The following SLC12A6 variants were observed in gnomAD, a reference collection of about 807,000 sequenced individuals.
SLC12A6 encodes solute carrier family 12 member 6, also known as K-Cl cotransporter 3.
A neutral mutation model predicts 135.3 loss-of-function variants in SLC12A6; 66 were observed. That is an observed-to-expected ratio of 0.49 (90% CI 0.40 to 0.60). The LOEUF is 0.60. SLC12A6 is among the 20% of genes least tolerant of loss of function. SLC12A6 has a pLI of 0.00. For missense variants in SLC12A6, 1,058 were observed against 1,452.3 expected (o/e 0.73, Z 4.41); for synonymous variants, 513 against 508.8 (o/e 1.01, Z -0.11).
chr15:34,318,782 G>A, intron 2 of SLC12A6: 1 of 1,580,582 alleles, frequency 6.3e-7, no homozygotes, highest in Non-Finnish European at 8.6e-7. Flanking sequence ...TGTGATCCCT[G>A]CCTACAAGAG....
intron 2 of SLC12A6, among the ~76,000 whole-genome samples, chr15:34,296,441 CA>C (rs1381314546): frequency 1.3e-5 from 2 of 152,000 alleles, no homozygotes; most frequent in African/African-American, 4.8e-5. Context: ...GTGTAAATTT[CA>C]AAAAAGACTC....
intron 7 of SLC12A6, 23 bp downstream of exon 7, chr15:34,256,205 GA>G: frequency 6.7e-7 from 1 of 1,496,290 alleles, no homozygotes; most frequent in Non-Finnish European, 9.3e-7. Context: ...GATAAATCCT[GA>G]AATACAACCT....
chr15:34,296,096 T>C (rs558838183), intron 2 of SLC12A6, among the ~76,000 whole-genome samples: 1 of 152,342 alleles, frequency 6.6e-6, no homozygotes, highest in South Asian at 2.1e-4. Context: ...CAGTACAATT[T>C]TATTAATGAT....
chr15:34,265,089 T>C (rs908240241), intron 3 of SLC12A6, among the ~76,000 whole-genome samples: 1 of 151,878 alleles, frequency 6.6e-6, no homozygotes. Flanking sequence ...CCCAGCTACT[T>C]GGGAGGCTGA....
chr15:34,326,517 C>T (rs942850619), intron 2 of SLC12A6, among the ~76,000 whole-genome samples: 2 of 152,106 alleles, frequency 1.3e-5, no homozygotes, highest in African/African-American at 2.4e-5. Flanking sequence ...TCTTCATTAG[C>T]TTTAGGACAG....
chr15:34,259,378 G>A (rs1892963757), intron 4 of SLC12A6, among the ~76,000 whole-genome samples: 1 of 150,948 alleles, frequency 6.6e-6, no homozygotes, highest in Admixed American at 6.6e-5. Flanking sequence ...AGTTGGGCAT[G>A]GTGGCTCACA....
rs758500312 is a variant in SLC12A6, at chr15:34,318,654, C to T, written c.271+17756G>A. 20 of 1,613,024 alleles carry T rather than the reference C, an allele frequency of 1.2e-5. No homozygotes were observed. The Admixed American group carries it at 3.2e-4, about 26-fold the overall frequency. On this transcript the variant is annotated intron_variant, in intron 2 of 25. Coordinates refer to ENST00000354181, the MANE Select transcript of SLC12A6 (RefSeq NM_001365088.1). Reference sequence around the variant, plus strand: ...GCTGCCCCCTCCTCTGGGTCCTCTACCTTAGTCACAGTAAAATGTGGCATT... The same window carrying T: ...GCTGCCCCCTCCTCTGGGTCCTCTATCTTAGTCACAGTAAAATGTGGCATT...
intron 2 of SLC12A6, among the ~76,000 whole-genome samples, chr15:34,308,630 C>CAAA (rs536506096): frequency 6.7e-3 from 421 of 62,938 alleles, no homozygotes; most frequent in African/African-American, 0.011. Flanking sequence ...GTCCACCTGA[C>CAAA]AAAAAAAAAA....
At chr15:34,303,959 G>A (rs1380270089) in intron 2 of SLC12A6, among the ~76,000 whole-genome samples, 1 of 152,128 alleles carries the variant, frequency 6.6e-6, no homozygotes, top group East Asian at 1.9e-4. Context: ...AAAGTGTTCA[G>A]TGTTTCTTAA....
At chr15:34,271,477 A>G (rs1893938386) in intron 3 of SLC12A6, among the ~76,000 whole-genome samples, 1 of 151,630 alleles carries the variant, frequency 6.6e-6, no homozygotes, top group African/African-American at 2.4e-5. Flanking sequence ...TCTATTCCTT[A>G]TGAGAGACTG....
intron 2 of SLC12A6, among the ~76,000 whole-genome samples, chr15:34,317,100 A>C (rs956421841): frequency 9.2e-5 from 14 of 152,316 alleles, no homozygotes; most frequent in African/African-American, 3.4e-4. Context: ...GTTGTAGAGA[A>C]TCATATTCAA....
In SLC12A6 at chr15:34,245,343, T is replaced by C; in HGVS notation, c.1885A>G (p.Ile629Val). Reference protein sequence around the residue: ...PTWALLLTAAIAELGILIASL... With the variant: ...PTWALLLTAAVAELGILIASL... ...GCAATGAGTATTCCAAGCTCTGCAA[T>C]GGCAGCAGTTAGAAGTAAAGCCCAG... Residue 629 changes from isoleucine to valine, a missense_variant, in exon 15 of 26, where the codon ATT (isoleucine) becomes GTT (valine). Physicochemically the swap from Ile to Val is conservative, Grantham distance 29 (BLOSUM62 3). Around this residue, in one of 6 missense-constraint regions of SLC12A6, gnomAD observed 170 missense variants for 297.6 expected, o/e 0.57. Transcript: ENST00000354181. 1.2e-6 allele frequency: 2 copies of C among 1,613,840 alleles called. No individual in the cohort carries two copies. The highest frequency in any genetic ancestry group is 2.2e-5 in the South Asian group (2 of 91,080).
chr15:34,238,618 TTAC>T, intron 20 of SLC12A6: 3 of 609,212 alleles, frequency 4.9e-6, no homozygotes, highest in South Asian at 2.0e-5. Context: ...TATATTCCCA[TTAC>T]TACATTTCTA....
chr15:34,238,538 T>C (rs1891431513), intron 20 of SLC12A6, 137 bp from the exon 21 acceptor site: 1 of 719,186 alleles, frequency 1.4e-6, no homozygotes, highest in Non-Finnish European at 2.4e-6. Flanking sequence ...TATTTCTCAT[T>C]ACGTATCAAA....
chr15:34,251,968 A>C (rs545873415), intron 10 of SLC12A6, among the ~76,000 whole-genome samples: 1 of 152,328 alleles, frequency 6.6e-6, no homozygotes, highest in Non-Finnish European at 1.5e-5. Context: ...AGCAGACATC[A>C]CTCTGTAAAG....
intron 3 of SLC12A6, among the ~76,000 whole-genome samples, chr15:34,262,474 C>A (rs1481197456): frequency 6.6e-6 from 1 of 152,120 alleles, no homozygotes; most frequent in Non-Finnish European, 1.5e-5. Flanking sequence ...GAACTCAGGA[C>A]CCACCAAACA....
rs934522729 is a variant in SLC12A6, at chr15:34,325,717, C to A, written c.271+10693G>T. On this transcript the variant is annotated intron_variant, in intron 2 of 25. Coordinates refer to ENST00000354181, the MANE Select transcript of SLC12A6 (RefSeq NM_001365088.1). ...CAAAGAGTTCTCCAAGTTAAAGCCT[C>A]AGGAAAATCTCATGCTTTAACTGAG... is the stretch of plus-strand genomic sequence containing the variant. Among the ~76,000 whole-genome samples, 3 of 152,190 alleles carry A rather than the reference C, an allele frequency of 2.0e-5. No individual in the cohort carries two copies. The East Asian group carries it at 5.8e-4, about 29-fold the overall frequency.
At chr15:34,266,519 G>A (rs1433613253) in intron 3 of SLC12A6, among the ~76,000 whole-genome samples, 1 of 152,106 alleles carries the variant, frequency 6.6e-6, no homozygotes, top group East Asian at 1.9e-4. Context: ...ACAGCTCACT[G>A]CAGCCTCAGC....
chr15:34,250,419 T>C lies in SLC12A6; in HGVS notation c.1592-64A>G, dbSNP rs920988299. Reference sequence around the variant, plus strand: ...CTAACATGAGATAGAAAGTAGACACTCAGTAGACACTTTCTTCTGTCAGTA... The same window carrying C: ...CTAACATGAGATAGAAAGTAGACACCCAGTAGACACTTTCTTCTGTCAGTA... On this transcript the variant is annotated intron_variant, in intron 12 of 25. Coordinates refer to ENST00000354181, the MANE Select transcript of SLC12A6 (RefSeq NM_001365088.1). The C allele has an allele frequency of 8.8e-6, 9 of 1,026,010 alleles. No homozygotes were observed. In the Admixed American group the frequency reaches 1.3e-4, roughly 15 times the overall value. 63.6% of individuals were successfully genotyped at this position (1,026,010 alleles called of 1,614,324 possible).
Sources: allele counts gnomAD v4.1 joint callset (sites outside exome capture counted in the v4.1 genomes callset), GRCh38; gene constraint gnomAD v4.1.1; regional missense constraint gnomAD v4.1.1; transcripts MANE v1.5; gene names NCBI Gene and HGNC (gene_info 2026-07-23, HGNC 2026-07-21).